Variants in WDFY3 observed in about 807,000 individuals in gnomAD.
WDFY3 encodes the protein WD repeat and FYVE domain containing 3.
WDFY3 carries 66 observed loss-of-function variants against 409.6 expected under a neutral mutation model. The ratio of observed to expected loss-of-function variants is 0.16; its 90% CI spans 0.13 to 0.20. The LOEUF is 0.20. Ranked by LOEUF, WDFY3 falls within the 10% of genes least tolerant of loss-of-function variation. WDFY3 has a pLI of 1.00. For synonymous variants in WDFY3, 1,521 were observed against 1,537.1 expected, an observed-to-expected ratio of 0.99 and a Z score of 0.25; for missense variants, 3,031 against 4,298.1, an observed-to-expected ratio of 0.71 and a Z score of 8.24.
chr4:84,702,537 G>C, intron 55 of WDFY3, 31 bp from the exon 56 acceptor site: 1 of 1,540,528 alleles, frequency 6.5e-7, no homozygotes, highest in Non-Finnish European at 8.7e-7. Context: ...CTCTCTATTA[G>C]AGAACCGTTC....
At chr4:84,725,193 G>A (rs1003481992) in intron 45 of WDFY3, among the ~76,000 whole-genome samples, 1 of 152,180 alleles carries the variant, frequency 6.6e-6, no homozygotes. Flanking sequence ...TTTATGCCAG[G>A]TGACACTCTG....
intron 16 of WDFY3, 133 bp downstream of exon 16, chr4:84,803,155 CCT>C (rs1750920596): frequency 2.1e-6 from 2 of 936,856 alleles, no homozygotes; most frequent in Admixed American, 7.4e-5. Flanking sequence ...ATAAAAAAAT[CCT>C]TTTTTTTCCC....
intron 13 of WDFY3, among the ~76,000 whole-genome samples, chr4:84,817,117 TATTA>T (rs1388727104): frequency 2.6e-5 from 4 of 152,198 alleles, no homozygotes; most frequent in Admixed American, 6.6e-5. Flanking sequence ...ATATATTTAG[TATTA>T]ATTAAGATCC....
chr4:84,702,914 G>A (rs1731289370), intron 55 of WDFY3, among the ~76,000 whole-genome samples: 1 of 152,090 alleles, frequency 6.6e-6, no homozygotes, highest in African/African-American at 2.4e-5. Context: ...GGCTAACACG[G>A]TGAAACCCCG....
intron 62 of WDFY3, among the ~76,000 whole-genome samples, chr4:84,687,143 C>A (rs1259762223): frequency 1.3e-5 from 2 of 151,912 alleles, no homozygotes; most frequent in African/African-American, 2.4e-5. Flanking sequence ...ACATTTCTAA[C>A]CTTCTTCTTC....
chr4:84,921,836 T>C (rs574097415), intron 2 of WDFY3, among the ~76,000 whole-genome samples: 27 of 151,648 alleles, frequency 1.8e-4, no homozygotes, highest in Admixed American at 6.6e-4. Flanking sequence ...TTTACATTTT[T>C]AGCAGAGACA....
intron 3 of WDFY3, among the ~76,000 whole-genome samples, chr4:84,866,179 T>G (rs931666258): frequency 6.6e-6 from 1 of 152,138 alleles, no homozygotes; most frequent in Non-Finnish European, 1.5e-5. Flanking sequence ...ATCAGATTCC[T>G]CCTTTGCTCC....
intron 1 of WDFY3, among the ~76,000 whole-genome samples, chr4:84,955,408 A>G (rs1774118649): frequency 6.6e-6 from 1 of 152,204 alleles, no homozygotes; most frequent in African/African-American, 2.4e-5. Context: ...CAGGAAATGC[A>G]GGGAAGAAAC....
chr4:84,763,610 TA>T (rs201994117), intron 32 of WDFY3, among the ~76,000 whole-genome samples: 151 of 130,728 alleles, frequency 1.2e-3, no homozygotes, highest in Middle Eastern at 3.9e-3. Context: ...AATAAAAAAG[TA>T]AAAAAAAAAA....
chr4:84,926,737 C>T (rs1030499761), intron 2 of WDFY3, among the ~76,000 whole-genome samples: 7 of 152,148 alleles, frequency 4.6e-5, no homozygotes, highest in Non-Finnish European at 7.4e-5. Flanking sequence ...TAAAACAGAA[C>T]TTTCAGCTCA....
At chr4:84,687,803 AATTTTG>A in intron 62 of WDFY3, 1 of 269,530 alleles carries the variant, frequency 3.7e-6, no homozygotes. Flanking sequence ...TCAGCATGGG[AATTTTG>A]ATCTGCTCCA....
chr4:84,803,059 A>G (rs1750893727), intron 16 of WDFY3, among the ~76,000 whole-genome samples: 1 of 152,218 alleles, frequency 6.6e-6, no homozygotes, highest in South Asian at 2.1e-4. Flanking sequence ...TAGCACCAGA[A>G]GAAGCCACCT....
At chr4:84,790,867 C>T (rs1748393426) in intron 21 of WDFY3, among the ~76,000 whole-genome samples, 1 of 152,074 alleles carries the variant, frequency 6.6e-6, no homozygotes. Context: ...CTCAATGTTA[C>T]TAATCATCAG....
At chr4:84,853,722 C>T (rs1423027807) in intron 4 of WDFY3, among the ~76,000 whole-genome samples, 2 of 152,152 alleles carry the variant, frequency 1.3e-5, no homozygotes. Context: ...CTGATGTTTA[C>T]TGCTTTATTT....
At position 84,794,382 on chromosome 4, in the gene WDFY3, A is replaced by C. The variant is rs1214153450; in HGVS notation, c.3487+137T>G. 33 of 890,276 alleles carry C rather than the reference A, an allele frequency of 3.7e-5. No individual in the cohort carries two copies. The South Asian group carries it at 5.2e-4, about 14-fold the overall frequency. 55.1% of individuals were successfully genotyped at this position (890,276 alleles called of 1,614,324 possible). On this transcript the variant is annotated intron_variant, in intron 21 of 67. Coordinates refer to ENST00000295888, the MANE Select transcript of WDFY3 (RefSeq NM_014991.6). ...TAAAATTCACTGGTAAGCAATATTCAATGTTTTATGTAACTTGTTCTATGC... is the reference window on the plus strand; with the variant it reads ...TAAAATTCACTGGTAAGCAATATTCCATGTTTTATGTAACTTGTTCTATGC...
Position 84,853,861 on chromosome 4 carries a change from GT to G in WDFY3, c.181-3837del, listed in dbSNP as rs1452837483. Among the ~76,000 whole-genome samples, 6 of 152,230 alleles carry G rather than the reference GT, an allele frequency of 3.9e-5. No homozygotes were observed. The South Asian group carries it at 1.2e-3, about 32-fold the overall frequency. ...GAACAAGCATTGCTTCTTAAATAAG[GT>G]TTATTCACTCACAAATATTTATCGA... On this transcript the variant is annotated intron_variant, in intron 4 of 67. Transcript: ENST00000295888.
chr4:84,758,558 T>C (rs1372422020), intron 32 of WDFY3, among the ~76,000 whole-genome samples: 5 of 152,310 alleles, frequency 3.3e-5, no homozygotes, highest in Middle Eastern at 3.4e-3. Context: ...AAGATATCCA[T>C]ATTTTTTTCA....
At chr4:84,913,935 GTGAAGA>G (rs1363896797) in intron 2 of WDFY3, among the ~76,000 whole-genome samples, 10 of 151,998 alleles carry the variant, frequency 6.6e-5, no homozygotes, top group Non-Finnish European at 1.5e-4. Context: ...CCTACTCAAT[GTGAAGA>G]TGATGAGGAT....
chr4:84,828,701 A>T (rs1312701396), intron 9 of WDFY3, among the ~76,000 whole-genome samples: 1 of 152,184 alleles, frequency 6.6e-6, no homozygotes, highest in Non-Finnish European at 1.5e-5. Context: ...GTTTGAGACC[A>T]GCCTGGGCAA....
Sources: allele counts gnomAD v4.1 joint callset (sites outside exome capture counted in the v4.1 genomes callset), GRCh38; gene constraint gnomAD v4.1.1; transcripts MANE v1.5; gene names NCBI Gene and HGNC (gene_info 2026-07-23, HGNC 2026-07-21).